POU2AF1: variants seen among roughly 807,000 people sequenced by gnomAD.
The protein encoded by POU2AF1 is POU domain class 2-associating factor 1.
In POU2AF1, 12 loss-of-function variants were observed where a neutral mutation model predicts 26.3. The observed-to-expected ratio is 0.46, with a 90% CI of 0.29 to 0.74. The LOEUF is 0.74. POU2AF1 is among the 30% of genes least tolerant of loss of function. POU2AF1 has a pLI of 0.09. For synonymous variants in POU2AF1, 175 were observed against 148.0 expected (o/e 1.18, Z -1.32); for missense variants, 297 against 334.5 (o/e 0.89, Z 0.87).
intron 1 of POU2AF1, among the ~76,000 whole-genome samples, chr11:111,373,407 T>A (rs987128563): frequency 2.0e-5 from 3 of 152,244 alleles, no homozygotes; most frequent in Non-Finnish European, 2.9e-5. Context: ...AAGCTCTAGG[T>A]TGAGATCCAG....
intron 1 of POU2AF1, among the ~76,000 whole-genome samples, chr11:111,365,767 G>A (rs1565364393): frequency 6.6e-6 from 1 of 151,684 alleles, no homozygotes; most frequent in Non-Finnish European, 1.5e-5. Context: ...TGAGGCAGGA[G>A]AATCACCTGA....
chr11:111,373,871 T>C (rs1043999232), intron 1 of POU2AF1, among the ~76,000 whole-genome samples: 1 of 152,230 alleles, frequency 6.6e-6, no homozygotes, highest in African/African-American at 2.4e-5. Context: ...AACTAGAGTG[T>C]TATTAAGCAT....
At position 111,369,442 on chromosome 11, in the gene POU2AF1, C is replaced by A. The variant is rs539733941; in HGVS notation, c.16+9720G>T. Among the ~76,000 whole-genome samples, 3 of 152,282 alleles carry A rather than the reference C, an allele frequency of 2.0e-5. No homozygotes were observed. In the South Asian group the frequency reaches 6.2e-4, roughly 32 times the overall value. On this transcript the variant is annotated intron_variant, in intron 1 of 4. Coordinates refer to ENST00000393067, the MANE Select transcript of POU2AF1 (RefSeq NM_006235.3). Reference sequence around the variant, plus strand: ...AGCCCCTTAAGGAACCTATATGTATCTCCTAAAGGCCAGGGACACAGCCAT... The same window carrying A: ...AGCCCCTTAAGGAACCTATATGTATATCCTAAAGGCCAGGGACACAGCCAT...
rs745792737 is a variant in POU2AF1, at chr11:111,353,856, C to A, written c.*405G>T. On this transcript the variant is annotated 3_prime_UTR_variant, in exon 5 of 5. Coordinates refer to ENST00000393067, the MANE Select transcript of POU2AF1 (RefSeq NM_006235.3). Reference sequence around the variant, plus strand: ...CCTATAATTACCTCCCAAAATGGAACAGAATTGAAAAAAGAAGTAAGAAAG... The same window carrying A: ...CCTATAATTACCTCCCAAAATGGAAAAGAATTGAAAAAAGAAGTAAGAAAG... The A allele has an allele frequency of 3.7e-6, 1 of 267,218 alleles. No individual in the cohort carries two copies. Among genetic ancestry groups the A allele is most frequent in the African/African-American group, 2.3e-5 (1 of 42,662 alleles). The allele number at this position is 267,218 out of a possible 1,614,324, so 16.6% of individuals were successfully genotyped here. A position where few individuals can be genotyped will look rare whatever the true frequency, so the allele number is the denominator to read the frequency against.
chr11:111,379,246 G>T lies in POU2AF1; in HGVS notation c.-69C>A, dbSNP rs1487238312. The T allele has an allele frequency of 2.5e-6, 4 of 1,602,464 alleles. No individual in the cohort carries two copies. Among genetic ancestry groups the T allele is most frequent in the Middle Eastern group, 1.7e-4 (1 of 6,020 alleles). On this transcript the variant is annotated 5_prime_UTR_variant, in exon 1 of 5. Transcript: ENST00000393067. ...TTGGCTTCTTTAATGTGAGACCGGG[G>T]TGTGTTTTCCTCCAGTGGAGCCACC...
intron 1 of POU2AF1, among the ~76,000 whole-genome samples, chr11:111,369,160 G>T (rs931542230): frequency 6.6e-6 from 1 of 152,202 alleles, no homozygotes; most frequent in Non-Finnish European, 1.5e-5. Flanking sequence ...ATGCTGCAGA[G>T]GGGCTGGTAA....
chr11:111,360,825 TC>T (rs1293318892), intron 1 of POU2AF1, among the ~76,000 whole-genome samples: 1 of 151,790 alleles, frequency 6.6e-6, no homozygotes, highest in African/African-American at 2.4e-5. Flanking sequence ...GCACCTGTAA[TC>T]CCAGTTACTT....
At position 111,353,782 on chromosome 11, in the gene POU2AF1, T is replaced by C. The variant is rs117535785; in HGVS notation, c.*479A>G. Reference sequence around the variant, plus strand: ...GAAATGTGACAGAAATGAAAGCCCATGGACCACAGACTTGGCAACATTTGA... The same window carrying C: ...GAAATGTGACAGAAATGAAAGCCCACGGACCACAGACTTGGCAACATTTGA... On this transcript the variant is annotated 3_prime_UTR_variant, in exon 5 of 5. Coordinates refer to ENST00000393067, the MANE Select transcript of POU2AF1 (RefSeq NM_006235.3). 6.9e-3 allele frequency: 1,769 copies of C among 256,444 alleles called. 5 individuals are homozygous for C. The highest frequency in any genetic ancestry group is 9.6e-3 in the Non-Finnish European group (1,300 of 135,098). 15.9% of individuals were successfully genotyped at this position (256,444 alleles called of 1,614,324 possible). A position where few individuals can be genotyped will look rare whatever the true frequency, so the allele number is the denominator to read the frequency against.
At chr11:111,371,790 A>T (rs1350997951) in intron 1 of POU2AF1, among the ~76,000 whole-genome samples, 1 of 152,144 alleles carries the variant, frequency 6.6e-6, no homozygotes, top group Non-Finnish European at 1.5e-5. Flanking sequence ...CCATAAGGTA[A>T]GAGTCACACC....
At chr11:111,358,284 A>G (rs370566566) in intron 2 of POU2AF1, among the ~76,000 whole-genome samples, 152 of 149,820 alleles carry the variant, frequency 1.0e-3, no homozygotes, top group African/African-American at 3.6e-3. Context: ...GCGCGCACAC[A>G]CATTCTCACA....
rs1395269338 is a variant in POU2AF1 at position 111,357,606 on chromosome 11, G to A, written c.295C>T (p.Leu99=). ...TCGGTGTAAGGTGTCCATGGGGCCA[G>A]GGGCTGCAGGGTGGCCGGGGTGGGC... The part of the protein sequence containing the change: ...SQPTPATLQP[L]APWTPYTEYV... The change falls in exon 4 of 5, where the codon CTG becomes TTG. Residue 99 remains leucine, a synonymous_variant. Transcript: ENST00000393067. 2.5e-6 allele frequency: 4 copies of A among 1,613,956 alleles called. No individual in the cohort carries two copies. In the African/African-American group the frequency reaches 5.3e-5, roughly 22 times the overall value.
chr11:111,360,841 G>A (rs1860992436), intron 1 of POU2AF1, among the ~76,000 whole-genome samples: 1 of 151,952 alleles, frequency 6.6e-6, no homozygotes, highest in Non-Finnish European at 1.5e-5. Context: ...TTACTTGGGA[G>A]GCTGACTCAG....
rs147057746 is a variant in POU2AF1 at position 111,368,876 on chromosome 11, A to C, written c.17-9958T>G. On this transcript the variant is annotated intron_variant, in intron 1 of 4. Transcript: ENST00000393067. Reference sequence around the variant, plus strand: ...ACAATGAAACACCTGGTGCATAATGAGCTCCCAACAAATAGCCCTTTCTCC... The same window carrying C: ...ACAATGAAACACCTGGTGCATAATGCGCTCCCAACAAATAGCCCTTTCTCC... Among the ~76,000 whole-genome samples the C allele has an allele frequency of 9.3e-3, 1,411 of 152,344 alleles. 18 individuals are homozygous for C. The highest frequency in any genetic ancestry group is 0.037 in the Middle Eastern group (11 of 294).
intron 1 of POU2AF1, among the ~76,000 whole-genome samples, chr11:111,361,232 C>T (rs1046941032): frequency 1.3e-5 from 2 of 152,126 alleles, no homozygotes; most frequent in African/African-American, 2.4e-5. Context: ...AAGTTACCAG[C>T]AGATGAATGT....
chr11:111,377,486 T>C (rs1861331296), intron 1 of POU2AF1, among the ~76,000 whole-genome samples: 1 of 152,150 alleles, frequency 6.6e-6, no homozygotes, highest in African/African-American at 2.4e-5. Context: ...AGATGGTGAA[T>C]GCAGGGAAGC....
At chr11:111,358,584 C>T (rs1198539070) in intron 2 of POU2AF1, among the ~76,000 whole-genome samples, 2 of 126,098 alleles carry the variant, frequency 1.6e-5, no homozygotes, top group African/African-American at 2.7e-5. Context: ...ACTCACACTC[C>T]CTCACACACA....
At chr11:111,379,081 T>TC in intron 1 of POU2AF1, 81 bp downstream of exon 1, 1 of 1,513,392 alleles carries the variant, frequency 6.6e-7, no homozygotes, top group Non-Finnish European at 8.9e-7. Context: ...CACCACCAGC[T>TC]CCCCAATTCC....
In POU2AF1 at chr11:111,353,134, ACAGCAC is replaced by A. The variant is rs1355555782; in HGVS notation, c.*1121_*1126del. On this transcript the variant is annotated 3_prime_UTR_variant, in exon 5 of 5. Coordinates refer to ENST00000393067, the MANE Select transcript of POU2AF1 (RefSeq NM_006235.3). The stretch of plus-strand genomic sequence containing the variant: ...TAGGCTTAATGGGGTCTTGGCCTCC[ACAGCAC>A]CAGCAGAGGGCCTAGAGGTGAGACA... 1.3e-5 allele frequency: 3 copies of A among 232,128 alleles called. No individual in the cohort carries two copies. The highest frequency in any genetic ancestry group is 2.2e-5 in the African/African-American group (1 of 45,250). 14.4% of individuals were successfully genotyped at this position (232,128 alleles called of 1,614,324 possible).
rs1409043148 is a variant in POU2AF1, at chr11:111,352,327, T to C, written c.*1934A>G. 1 of 181,882 alleles carries C rather than the reference T, an allele frequency of 5.5e-6. No homozygotes were observed. The highest frequency in any genetic ancestry group is 2.4e-5 in the African/African-American group (1 of 42,424). 11.3% of individuals were successfully genotyped at this position (181,882 alleles called of 1,614,324 possible). Reference sequence around the variant, plus strand: ...AAACTGTCATTTCCCAGAAAAGTCATTTCCCAGAAAAGTCCATGACTTCTA... The same window carrying C: ...AAACTGTCATTTCCCAGAAAAGTCACTTCCCAGAAAAGTCCATGACTTCTA... On this transcript the variant is annotated 3_prime_UTR_variant, in exon 5 of 5. Transcript: ENST00000393067.
Sources: gnomAD v4.1 joint callset for allele counts (sites outside exome capture counted in the v4.1 genomes callset) on GRCh38, gnomAD v4.1.1 for gene constraint, MANE v1.5 for transcripts, NCBI Gene and HGNC (gene_info 2026-07-23, HGNC 2026-07-21) for gene names.